CBL: variants seen among roughly 807,000 people sequenced by gnomAD.
CBL encodes the protein E3 ubiquitin-protein ligase CBL.
CBL carries 45 observed loss-of-function variants against 96.9 expected under a neutral mutation model. The observed-to-expected ratio is 0.46, with a 90% CI of 0.37 to 0.60. The LOEUF is 0.60. Among genes scored for constraint, CBL ranks in the 20% least tolerant of loss-of-function variants. The pLI is 0.00. For missense variants in CBL, 1,024 were observed against 1,143.5 expected (o/e 0.90, Z 1.51); for synonymous variants, 420 against 426.8 (o/e 0.98, Z 0.20).
Position 119,302,890 on chromosome 11 carries a change from G to A in CBL, c.*3109G>A, listed in dbSNP as rs2135324534. The A allele has an allele frequency of 4.3e-6, 1 of 230,206 alleles. No homozygotes were observed. The highest frequency in any genetic ancestry group is 8.6e-6 in the Non-Finnish European group (1 of 116,218). 14.3% of individuals were successfully genotyped at this position (230,206 alleles called of 1,614,324 possible). A position where few individuals can be genotyped will look rare whatever the true frequency, so the allele number is the denominator to read the frequency against. ...GCTCGTCTCCCCCCAGCCCCATTCTGCATAATCTACCATTCTTCTCCTCTC... is the reference window on the plus strand; with the variant it reads ...GCTCGTCTCCCCCCAGCCCCATTCTACATAATCTACCATTCTTCTCCTCTC... On this transcript the variant is annotated 3_prime_UTR_variant, in exon 16 of 16. Coordinates refer to ENST00000264033, the MANE Select transcript of CBL (RefSeq NM_005188.4).
chr11:119,296,982 A>C lies in CBL; in HGVS notation c.2101A>C (p.Met701Leu). ...QCEGEEDTEY[M>L]TPSSRPLRPL... ...TGAGGGTGAAGAGGACACAGAGTAC[A>C]TGACTCCCTCTTCCAGGCCTCTACG... The change falls in exon 13 of 16, where the codon ATG (methionine) becomes CTG (leucine). Residue 701 changes from methionine to leucine, a missense_variant. Met to Leu is a conservative substitution (Grantham distance 15). This residue lies in a region of CBL where 695 missense variants were observed against 661.6 expected (regional missense o/e 1.05). Transcript: ENST00000264033. 1 of 1,612,584 alleles carries C rather than the reference A, an allele frequency of 6.2e-7. No individual in the cohort carries two copies. Among genetic ancestry groups the C allele is most frequent in the Non-Finnish European group, 8.5e-7 (1 of 1,178,570 alleles).
At chr11:119,251,140 A>G (rs1466291818) in intron 2 of CBL, among the ~76,000 whole-genome samples, 2 of 152,270 alleles carry the variant, frequency 1.3e-5, no homozygotes, top group African/African-American at 4.8e-5. Flanking sequence ...TGATATATTC[A>G]AAACTCAACC....
At chr11:119,233,657 A>G (rs1386084197) in intron 2 of CBL, among the ~76,000 whole-genome samples, 1 of 152,238 alleles carries the variant, frequency 6.6e-6, no homozygotes, top group Non-Finnish European at 1.5e-5. Flanking sequence ...ATTGTGTTTT[A>G]TTTTGTTCAA....
Position 119,261,824 on chromosome 11 carries a change from TA to T in CBL, c.444-9908del, listed in dbSNP as rs1432084672. On this transcript the variant is annotated intron_variant, in intron 2 of 15. Transcript: ENST00000264033. The stretch of plus-strand genomic sequence containing the variant: ...AGTAACATAGCTAGTGAACACTTGC[TA>T]AATGTTCACAATGATTGTTTTGAAC... Among the ~76,000 whole-genome samples, 3 of 152,244 alleles carry T rather than the reference TA, an allele frequency of 2.0e-5. No homozygotes were observed. In the East Asian group the frequency reaches 5.8e-4, roughly 29 times the overall value.
chr11:119,256,750 A>G (rs988152681), intron 2 of CBL, among the ~76,000 whole-genome samples: 2 of 148,512 alleles, frequency 1.3e-5, no homozygotes, highest in Non-Finnish European at 3.0e-5. Flanking sequence ...TCTAAAGTCC[A>G]TTATACCAAT....
intron 2 of CBL, among the ~76,000 whole-genome samples, chr11:119,270,436 ATTTTTTTTTTTT>A (rs869150071): frequency 7.8e-5 from 3 of 38,656 alleles, no homozygotes; most frequent in Non-Finnish European, 1.3e-4. Flanking sequence ...ATATATATAT[ATTTTTTTTTTTT>A]TTTTTTTTTT....
intron 2 of CBL, among the ~76,000 whole-genome samples, chr11:119,268,968 A>G (rs1341489145): frequency 5.9e-5 from 9 of 152,186 alleles, no homozygotes; most frequent in African/African-American, 2.2e-4. Flanking sequence ...AGGGACTACT[A>G]CTTGACAGAA....
chr11:119,285,876 A>T (rs1052546744), intron 11 of CBL, among the ~76,000 whole-genome samples: 2 of 152,154 alleles, frequency 1.3e-5, no homozygotes, highest in Admixed American at 6.5e-5. Flanking sequence ...AGCCTAGGCA[A>T]TAGAGTAAGA....
chr11:119,211,270 G>A (rs188626506), intron 1 of CBL, among the ~76,000 whole-genome samples: 94 of 151,978 alleles, frequency 6.2e-4, no homozygotes, highest in African/African-American at 2.2e-3. Context: ...TACTTGAGAG[G>A]CTGAGGCAGG....
At chr11:119,263,301 G>T (rs1376946639) in intron 2 of CBL, among the ~76,000 whole-genome samples, 1 of 152,194 alleles carries the variant, frequency 6.6e-6, no homozygotes, top group African/African-American at 2.4e-5. Context: ...TGGTAATTGA[G>T]AAGTCATTAA....
intron 12 of CBL, among the ~76,000 whole-genome samples, chr11:119,296,516 G>A (rs1269207423): frequency 1.3e-5 from 2 of 152,094 alleles, no homozygotes; most frequent in African/African-American, 4.8e-5. Context: ...CTTTTGACAA[G>A]CTATGCATTC....
In CBL at chr11:119,303,249, T is replaced by G. The variant is rs1950113747; in HGVS notation, c.*3468T>G. ...CCTCACGTCATTAAAGTCAGAAGAT[T>G]ATAGACCTTCTCAAACTATAAGTCC... On this transcript the variant is annotated 3_prime_UTR_variant, in exon 16 of 16. Coordinates refer to ENST00000264033, the MANE Select transcript of CBL (RefSeq NM_005188.4). The G allele has an allele frequency of 4.3e-6, 1 of 232,202 alleles. No individual in the cohort carries two copies. Among genetic ancestry groups the G allele is most frequent in the Non-Finnish European group, 8.5e-6 (1 of 117,204 alleles). 14.4% of individuals were successfully genotyped at this position (232,202 alleles called of 1,614,324 possible).
At chr11:119,270,241 C>CTTTTT (rs768214554) in intron 2 of CBL, among the ~76,000 whole-genome samples, 2 of 119,818 alleles carry the variant, frequency 1.7e-5, no homozygotes, top group African/African-American at 3.1e-5. Context: ...TGTGTGACAT[C>CTTTTT]TTTTTTTTTT....
At chr11:119,275,865 A>G (rs1949885663) in intron 5 of CBL, 132 bp from the exon 6 acceptor site, 5 of 969,800 alleles carry the variant, frequency 5.2e-6, no homozygotes, top group Non-Finnish European at 8.2e-6. Context: ...CCATCTTAAA[A>G]AAAGAAAGAA....
chr11:119,289,121 A>T (rs563759799), intron 12 of CBL, among the ~76,000 whole-genome samples: 86 of 152,320 alleles, frequency 5.6e-4, no homozygotes, highest in African/African-American at 2.0e-3. Context: ...GGTAATTTGT[A>T]TCACCCTCAG....
At chr11:119,224,923 TTTTATTG>T (rs1949445298) in intron 1 of CBL, among the ~76,000 whole-genome samples, 1 of 151,928 alleles carries the variant, frequency 6.6e-6, no homozygotes, top group Non-Finnish European at 1.5e-5. Flanking sequence ...TTGGTATAAC[TTTTATTG>T]AAAAAGAACT....
chr11:119,245,640 A>G (rs1451882181), intron 2 of CBL, among the ~76,000 whole-genome samples: 1 of 152,034 alleles, frequency 6.6e-6, no homozygotes, highest in Admixed American at 6.6e-5. Context: ...GAGGCAGGAG[A>G]ATCACTTGAA....
chr11:119,275,102 T>C, intron 5 of CBL, 149 bp downstream of exon 5: 1 of 811,054 alleles, frequency 1.2e-6, no homozygotes, highest in Admixed American at 2.0e-5. Flanking sequence ...CGTATTGACT[T>C]AATTCAGATC....
At chr11:119,280,893 C>T (rs1256408557) in intron 9 of CBL, among the ~76,000 whole-genome samples, 1 of 152,166 alleles carries the variant, frequency 6.6e-6, no homozygotes, top group Admixed American at 6.5e-5. Context: ...CATGATTTCA[C>T]TCCTTACTGT....
Sources: allele counts gnomAD v4.1 joint callset (sites outside exome capture counted in the v4.1 genomes callset), GRCh38; gene constraint gnomAD v4.1.1; regional missense constraint gnomAD v4.1.1; transcripts MANE v1.5; gene names NCBI Gene and HGNC (gene_info 2026-07-23, HGNC 2026-07-21).